Variants in RALGPS2 observed in about 807,000 individuals in gnomAD.
RALGPS2 encodes the protein Ral GEF with PH domain and SH3 binding motif 2.
A neutral mutation model predicts 86.8 loss-of-function variants in RALGPS2; 43 were observed. The observed-to-expected ratio is 0.50, with a 90% CI of 0.39 to 0.64. The LOEUF is 0.64. RALGPS2 is among the 30% of genes least tolerant of loss of function. The pLI is 0.00. For missense variants in RALGPS2, 536 were observed against 694.6 expected, an observed-to-expected ratio of 0.77 and a Z score of 2.57; for synonymous variants, 243 against 231.3, an observed-to-expected ratio of 1.05 and a Z score of -0.46.
chr1:178,835,840 G>C (rs1025092075), intron 8 of RALGPS2, among the ~76,000 whole-genome samples: 3 of 152,130 alleles, frequency 2.0e-5, no homozygotes, highest in Non-Finnish European at 4.4e-5. Context: ...TATACCTGCT[G>C]AACTCTCATT....
Position 178,797,985 on chromosome 1 carries a change from T to TTAA in RALGPS2, c.214-10060_214-10059insTAA, listed in dbSNP as rs764619781. 8.4e-5 allele frequency among the ~76,000 whole-genome samples: 8 copies of TTAA among 95,420 alleles called. 1 individual carries two copies. The highest frequency in any genetic ancestry group is 3.1e-4 in the African/African-American group (8 of 25,616). The allele number at this position is 95,420 out of a possible 152,430, so 62.6% of individuals were successfully genotyped here. ...TGTCTTGAAGATTTCCAACAATTTG[T>TTAA]AAAAAAAAAAAAAAAAAAAACCACA... On this transcript the variant is annotated intron_variant, in intron 4 of 19. Coordinates refer to ENST00000367635, the MANE Select transcript of RALGPS2 (RefSeq NM_152663.5).
intron 14 of RALGPS2, among the ~76,000 whole-genome samples, chr1:178,890,705 G>GT (rs1659683212): frequency 6.6e-6 from 1 of 151,858 alleles, no homozygotes; most frequent in South Asian, 2.1e-4. Flanking sequence ...TTAAGATTTT[G>GT]TTTATAAGTT....
chr1:178,835,392 CTTT>C (rs71297889), intron 8 of RALGPS2, among the ~76,000 whole-genome samples: 6 of 122,028 alleles, frequency 4.9e-5, no homozygotes, highest in Non-Finnish European at 5.2e-5. Context: ...TCTTTCTTTT[CTTT>C]TTTTTTTTTT....
intron 4 of RALGPS2, among the ~76,000 whole-genome samples, chr1:178,801,965 G>A (rs1279243174): frequency 1.3e-5 from 2 of 152,140 alleles, no homozygotes; most frequent in Admixed American, 1.3e-4. Flanking sequence ...GGTAGTTTCT[G>A]TATCAGAAAA....
At chr1:178,904,343 C>T (rs546274873) in intron 18 of RALGPS2, among the ~76,000 whole-genome samples, 1 of 152,274 alleles carries the variant, frequency 6.6e-6, no homozygotes, top group Admixed American at 6.5e-5. Flanking sequence ...TGTGCAAACG[C>T]TCTTTAGTTT....
chr1:178,753,538 G>A (rs756759649), intron 1 of RALGPS2: 1 of 152,140 alleles, frequency 6.6e-6, no homozygotes, highest in Non-Finnish European at 1.5e-5. Flanking sequence ...TTTGTCTCAA[G>A]TCCAGATTGA....
chr1:178,838,458 C>T (rs984691815), intron 8 of RALGPS2, among the ~76,000 whole-genome samples: 8 of 152,218 alleles, frequency 5.3e-5, no homozygotes, highest in African/African-American at 1.4e-4. Flanking sequence ...CCTGCAGCTG[C>T]GGGTCCTGAC....
intron 1 of RALGPS2, among the ~76,000 whole-genome samples, chr1:178,728,829 C>A (rs1409051325): frequency 6.6e-6 from 1 of 152,010 alleles, no homozygotes; most frequent in Non-Finnish European, 1.5e-5. Context: ...AAACTTTTAA[C>A]TACATAATAG....
chr1:178,894,856 C>T (rs1469378777), intron 16 of RALGPS2, among the ~76,000 whole-genome samples: 1 of 151,792 alleles, frequency 6.6e-6, no homozygotes, highest in Non-Finnish European at 1.5e-5. Flanking sequence ...AGTTCGTATA[C>T]AAAATTATTT....
At chr1:178,775,378 C>T (rs544238528) in intron 1 of RALGPS2, among the ~76,000 whole-genome samples, 20 of 152,220 alleles carry the variant, frequency 1.3e-4, no homozygotes, top group Non-Finnish European at 2.5e-4. Flanking sequence ...ACATTTAAAA[C>T]TCAGCTTTTA....
chr1:178,910,450 G>A (rs1660576573), intron 19 of RALGPS2, among the ~76,000 whole-genome samples: 1 of 152,126 alleles, frequency 6.6e-6, no homozygotes, highest in South Asian at 2.1e-4. Flanking sequence ...TGCCTAATTT[G>A]TTGAGGGCTT....
intron 4 of RALGPS2, among the ~76,000 whole-genome samples, chr1:178,806,267 A>T (rs977596144): frequency 3.9e-5 from 6 of 152,132 alleles, no homozygotes; most frequent in Admixed American, 2.0e-4. Flanking sequence ...TTCAGACTTC[A>T]TTGATATTTG....
chr1:178,874,916 A>G (rs1658934383), intron 8 of RALGPS2, among the ~76,000 whole-genome samples: 1 of 152,212 alleles, frequency 6.6e-6, no homozygotes, highest in South Asian at 2.1e-4. Context: ...GTTCCCGGCA[A>G]TAATTTTTGT....
intron 8 of RALGPS2, among the ~76,000 whole-genome samples, chr1:178,854,707 A>C (rs537860912): frequency 1.4e-3 from 208 of 152,290 alleles, no homozygotes; most frequent in African/African-American, 4.5e-3. Context: ...AGATAGACAT[A>C]AATCCTTGTC....
intron 7 of RALGPS2, among the ~76,000 whole-genome samples, chr1:178,832,226 A>G (rs1656058204): frequency 6.6e-6 from 1 of 152,216 alleles, no homozygotes; most frequent in African/African-American, 2.4e-5. Context: ...TGGAATATCC[A>G]TCTAAAACAT....
Position 178,916,246 on chromosome 1 carries a change from C to T in RALGPS2, c.1723-84C>T, listed in dbSNP as rs1366307586. 13 of 1,115,986 alleles carry T rather than the reference C, an allele frequency of 1.2e-5. No homozygotes were observed. The East Asian group carries it at 3.1e-4, about 27-fold the overall frequency. The allele number at this position is 1,115,986 out of a possible 1,614,324, so 69.1% of individuals were successfully genotyped here. On this transcript the variant is annotated intron_variant, in intron 19 of 19. Transcript: ENST00000367635. ...AAGATACTTAAGTAGAAAGATTGGG[C>T]TTGCCTAAATAACAAGGAAAGATAA...
At chr1:178,912,604 T>A (rs6697612) in intron 19 of RALGPS2, among the ~76,000 whole-genome samples, 7,921 of 152,156 alleles carry the variant, frequency 0.052, 719 homozygotes, top group African/African-American at 0.18. Context: ...CAAGCTCCAT[T>A]TAAGATTTTT....
intron 1 of RALGPS2, among the ~76,000 whole-genome samples, chr1:178,774,046 G>C (rs1254876852): frequency 6.6e-6 from 1 of 152,166 alleles, no homozygotes; most frequent in Non-Finnish European, 1.5e-5. Flanking sequence ...TTCGAGACCA[G>C]CCTGGCCAAC....
chr1:178,880,255 T>TA (rs1343001297), intron 10 of RALGPS2, among the ~76,000 whole-genome samples: 1 of 152,196 alleles, frequency 6.6e-6, no homozygotes, highest in African/African-American at 2.4e-5. Flanking sequence ...TGACAGTTTT[T>TA]AAAAAATTTT....
Sources: gnomAD v4.1 joint callset for allele counts (sites outside exome capture counted in the v4.1 genomes callset) on GRCh38, gnomAD v4.1.1 for gene constraint, MANE v1.5 for transcripts, NCBI Gene and HGNC (gene_info 2026-07-23, HGNC 2026-07-21) for gene names.